Variants in HCN1 observed in about 807,000 individuals in gnomAD.
The protein encoded by HCN1 is hyperpolarization activated cyclic nucleotide gated potassium channel 1, also known as potassium/sodium hyperpolarization-activated cyclic nucleotide-gated channel 1.
HCN1 carries 13 observed loss-of-function variants against 78.9 expected under a neutral mutation model. The ratio of observed to expected loss-of-function variants is 0.16; its 90% confidence interval spans 0.11 to 0.26. HCN1 has a LOEUF of 0.26. HCN1 is among the 10% of genes least tolerant of loss of function. The pLI, the probability that HCN1 is intolerant of heterozygous loss-of-function variation, is 1.00. For synonymous variants in HCN1, 552 were observed against 455.5 expected (o/e 1.21, Z -2.70); for missense variants, 810 against 1,154.3 (o/e 0.70, Z 4.32).
At chr5:45,658,900 C>G (rs1313350452) in intron 1 of HCN1, among the ~76,000 whole-genome samples, 5 of 147,456 alleles carry the variant, frequency 3.4e-5, no homozygotes, top group South Asian at 4.4e-4. Flanking sequence ...ATTGCCCAGG[C>G]TTGCTTAGGT....
intron 2 of HCN1, among the ~76,000 whole-genome samples, chr5:45,595,500 G>T (rs1335201083): frequency 4.6e-5 from 7 of 151,894 alleles, no homozygotes. Context: ...ACCACATCAG[G>T]CTATATTGAA....
In HCN1 at chr5:45,363,280, A is replaced by T. The variant is rs925669019; in HGVS notation, c.1231-10034T>A. On this transcript the variant is annotated intron_variant, in intron 4 of 7. Coordinates refer to ENST00000303230, the MANE Select transcript of HCN1 (RefSeq NM_021072.4). The stretch of plus-strand genomic sequence containing the variant: ...CAACTGTACCAATGGTGGAAAGTCC[A>T]TCTCAGGGTTTTTGCATCAGGGCTC... 3.3e-5 allele frequency among the ~76,000 whole-genome samples: 5 copies of T among 151,104 alleles called. 1 individual carries two copies. The Admixed American group carries it at 3.3e-4, about 10-fold the overall frequency.
chr5:45,421,460 A>G (rs1740226734), intron 3 of HCN1, among the ~76,000 whole-genome samples: 2 of 152,228 alleles, frequency 1.3e-5, no homozygotes. Flanking sequence ...GCAATAAGCA[A>G]CTATATGGAT....
At chr5:45,354,749 G>A (rs1026566936) in intron 4 of HCN1, among the ~76,000 whole-genome samples, 1 of 151,950 alleles carries the variant, frequency 6.6e-6, no homozygotes, top group African/African-American at 2.4e-5. Flanking sequence ...AAAGCCTGAA[G>A]GCCTATGTAC....
intron 3 of HCN1, among the ~76,000 whole-genome samples, chr5:45,447,221 G>A (rs979804959): frequency 3.3e-5 from 5 of 152,126 alleles, no homozygotes; most frequent in African/African-American, 1.2e-4. Flanking sequence ...ACAAAAAAAG[G>A]CAGGGGTTGC....
chr5:45,294,330 C>T (rs916792089), intron 6 of HCN1, among the ~76,000 whole-genome samples: 15 of 152,000 alleles, frequency 9.9e-5, no homozygotes, highest in African/African-American at 3.4e-4. Flanking sequence ...TACATTAACT[C>T]TGTAAAGTAT....
chr5:45,290,837 A>G (rs1745358215), intron 6 of HCN1, among the ~76,000 whole-genome samples: 1 of 152,022 alleles, frequency 6.6e-6, no homozygotes, highest in African/African-American at 2.4e-5. Flanking sequence ...TCATGAAGAA[A>G]CAAAAGAGAT....
At chr5:45,631,217 C>T (rs1255180018) in intron 2 of HCN1, among the ~76,000 whole-genome samples, 1 of 152,206 alleles carries the variant, frequency 6.6e-6, no homozygotes, top group Non-Finnish European at 1.5e-5. Flanking sequence ...TGCTATTAAG[C>T]AAATTGCTTC....
chr5:45,613,917 T>C lies in HCN1; in HGVS notation c.849+31268A>G, dbSNP rs187630768. On this transcript the variant is annotated intron_variant, in intron 2 of 7. Transcript: ENST00000303230. ...GGGTATTGCAGATAATCCGCAGTCT[T>C]ATGAGCACTCCAAATTCAAGTGTAG... Among the ~76,000 whole-genome samples the C allele has an allele frequency of 1.6e-4, 24 of 152,300 alleles. No homozygotes were observed. In the East Asian group the frequency reaches 3.5e-3, roughly 22 times the overall value.
intron 2 of HCN1, among the ~76,000 whole-genome samples, chr5:45,523,046 C>G (rs529821804): frequency 6.8e-6 from 1 of 146,158 alleles, no homozygotes; most frequent in African/African-American, 2.5e-5. Flanking sequence ...GTGTGATGTT[C>G]CCCTTCCTGT....
At chr5:45,434,615 C>T (rs985325266) in intron 3 of HCN1, among the ~76,000 whole-genome samples, 1 of 152,116 alleles carries the variant, frequency 6.6e-6, no homozygotes, top group Non-Finnish European at 1.5e-5. Context: ...GGCATTTGGC[C>T]AATGTCTGAA....
chr5:45,452,829 A>G (rs1740950227), intron 3 of HCN1, among the ~76,000 whole-genome samples: 2 of 152,026 alleles, frequency 1.3e-5, no homozygotes, highest in Admixed American at 1.3e-4. Flanking sequence ...TACATCTCTA[A>G]AAACAACAAA....
At chr5:45,611,629 C>T (rs752421886) in intron 2 of HCN1, among the ~76,000 whole-genome samples, 28 of 152,004 alleles carry the variant, frequency 1.8e-4, no homozygotes, top group Non-Finnish European at 3.5e-4. Flanking sequence ...CACAACCTGA[C>T]ATTTAAATAA....
At chr5:45,665,500 A>G (rs898137144) in intron 1 of HCN1, among the ~76,000 whole-genome samples, 19 of 152,060 alleles carry the variant, frequency 1.2e-4, no homozygotes, top group African/African-American at 4.1e-4. Flanking sequence ...AATTTAAGTG[A>G]CAGGCTGTGT....
chr5:45,291,234 G>A (rs1037329859), intron 6 of HCN1, among the ~76,000 whole-genome samples: 4 of 151,856 alleles, frequency 2.6e-5, no homozygotes, highest in Admixed American at 2.6e-4. Flanking sequence ...TGGACCTGTA[G>A]TTCATTAACT....
At chr5:45,432,585 A>C (rs1740484794) in intron 3 of HCN1, among the ~76,000 whole-genome samples, 1 of 152,168 alleles carries the variant, frequency 6.6e-6, no homozygotes, top group Non-Finnish European at 1.5e-5. Flanking sequence ...GAATACTTTC[A>C]GCTTTTGCCC....
At chr5:45,351,910 C>A (rs1319967675) in intron 5 of HCN1, among the ~76,000 whole-genome samples, 1 of 152,084 alleles carries the variant, frequency 6.6e-6, no homozygotes, top group African/African-American at 2.4e-5. Flanking sequence ...GAAATAGGAA[C>A]ACTTTTACAC....
chr5:45,317,784 C>T (rs569250844), intron 5 of HCN1, among the ~76,000 whole-genome samples: 91 of 152,254 alleles, frequency 6.0e-4, no homozygotes, highest in African/African-American at 1.9e-3. Flanking sequence ...CAAAAGAAGA[C>T]ATTTATGCAG....
intron 4 of HCN1, among the ~76,000 whole-genome samples, chr5:45,361,305 A>G (rs377742941): frequency 6.6e-6 from 1 of 152,168 alleles, no homozygotes; most frequent in Non-Finnish European, 1.5e-5. Context: ...CCTCAGCTGT[A>G]GCTGAGATTA....
Sources: allele counts gnomAD v4.1 joint callset (sites outside exome capture counted in the v4.1 genomes callset), GRCh38; gene constraint gnomAD v4.1.1; transcripts MANE v1.5; gene names NCBI Gene and HGNC (gene_info 2026-07-23, HGNC 2026-07-21).